MAP3K9: variants seen among roughly 807,000 people sequenced by gnomAD.
MAP3K9 encodes the protein mixed lineage kinase 1 (tyr and ser/thr specificity).
Under a neutral mutation model 95.8 loss-of-function variants are expected in MAP3K9, and 46 were observed. The ratio of observed to expected loss-of-function variants is 0.48; its 90% CI spans 0.38 to 0.61. The LOEUF (loss-of-function observed/expected upper bound fraction) is 0.61, where lower values mean the gene tolerates loss of function less well. Ranked by LOEUF, MAP3K9 falls within the 20% of genes least tolerant of loss-of-function variation. MAP3K9 has a pLI of 0.00. For synonymous variants in MAP3K9, 533 were observed against 593.8 expected (o/e 0.90, Z 1.49); for missense variants, 1,296 against 1,474.3 (o/e 0.88, Z 1.98).
At chr14:70,764,599 G>A (rs2054423984) in intron 2 of MAP3K9, among the ~76,000 whole-genome samples, 1 of 151,962 alleles carries the variant, frequency 6.6e-6, no homozygotes, top group Admixed American at 6.6e-5. Context: ...GGGAGGTCAA[G>A]GTGGGAGGAT....
chr14:70,735,668 T>G (rs996725283), intron 9 of MAP3K9, among the ~76,000 whole-genome samples: 5 of 152,144 alleles, frequency 3.3e-5, no homozygotes, highest in African/African-American at 1.2e-4. Flanking sequence ...TCAAAACCAG[T>G]GCTGAAGACC....
At chr14:70,769,157 C>T (rs2054497068) in intron 2 of MAP3K9, among the ~76,000 whole-genome samples, 1 of 34,824 alleles carries the variant, frequency 2.9e-5, no homozygotes, top group Non-Finnish European at 6.5e-5. Context: ...GCTATAGCAC[C>T]ACCATGTTTG....
rs564950962 is a variant in MAP3K9 at position 70,740,095 on chromosome 14, C to T, written c.1637G>A (p.Arg546His). 42 of 1,614,068 alleles carry T rather than the reference C, an allele frequency of 2.6e-5. No individual in the cohort carries two copies. In the African/African-American group the frequency reaches 4.3e-4, roughly 16 times the overall value. Residue 546 changes from arginine to histidine, a missense_variant, in exon 7 of 12, where the codon CGC (arginine) becomes CAC (histidine). By Grantham distance (29) the Arg-to-His change is conservative. Coordinates refer to ENST00000554752, the MANE Select transcript of MAP3K9 (RefSeq NM_001284230.2). ...GGTGGGGCTTGCAGGAGGACTGGAG[C>T]GGCTGTTGATAAGACTCTTCCTTTT... is the stretch of plus-strand genomic sequence containing the variant. ...MDKRKSLINS[R>H]SSPPASPTII...
chr14:70,790,177 T>C (rs2054791762), intron 2 of MAP3K9, among the ~76,000 whole-genome samples: 1 of 152,034 alleles, frequency 6.6e-6, no homozygotes, highest in Non-Finnish European at 1.5e-5. Context: ...TGAGCAGCAG[T>C]GGGGGAAGGG....
At chr14:70,801,123 G>A (rs1426382941) in intron 1 of MAP3K9, 43 bp from the exon 2 acceptor site, 4 of 1,563,636 alleles carry the variant, frequency 2.6e-6, no homozygotes, top group Non-Finnish European at 3.5e-6. Context: ...AAAACATCTT[G>A]AAAACATCGT....
At chr14:70,739,558 C>A (rs61359483) in intron 7 of MAP3K9, among the ~76,000 whole-genome samples, 85,071 of 151,006 alleles carry the variant, frequency 0.56, 24,002 homozygotes, top group Middle Eastern at 0.65. Context: ...TTTTTTTAAG[C>A]AAATACTGTA....
chr14:70,751,094 C>CCACATCGGTAGAACAGAGCAG (rs2054221020), intron 3 of MAP3K9, among the ~76,000 whole-genome samples: 1 of 152,122 alleles, frequency 6.6e-6, no homozygotes, highest in African/African-American at 2.4e-5. Context: ...CAAGGGTAGA[C>CCACATCGGTAGAACAGAGCAG]CACATCGGTA....
rs1482464732 is a variant in MAP3K9, at chr14:70,791,813, TC to T, written c.820+8853del. Among the ~76,000 whole-genome samples, 5 of 152,208 alleles carry T rather than the reference TC, an allele frequency of 3.3e-5. No homozygotes were observed. In the South Asian group the frequency reaches 1.0e-3, roughly 32 times the overall value. On this transcript the variant is annotated intron_variant, in intron 2 of 11. Coordinates refer to ENST00000554752, the MANE Select transcript of MAP3K9 (RefSeq NM_001284230.2). ...GCCACTTTATTTTGATCAAGGTCTT[TC>T]CCCCTGACCCCACAGGGAGCTCCTG...
intron 2 of MAP3K9, among the ~76,000 whole-genome samples, chr14:70,777,160 G>A (rs1374295505): frequency 6.6e-6 from 1 of 152,058 alleles, no homozygotes; most frequent in Non-Finnish European, 1.5e-5. Context: ...CCCATCTCTA[G>A]GGCGCTGTTG....
chr14:70,733,024 T>C lies in MAP3K9; in HGVS notation c.2345A>G (p.Glu782Gly). 1.9e-6 allele frequency: 3 copies of C among 1,614,046 alleles called. No homozygotes were observed. Among genetic ancestry groups the C allele is most frequent in the Non-Finnish European group, 2.5e-6 (3 of 1,180,010 alleles). ...CTCCTCCCGGGCTGGTGGCTCAGGCTCCTCCAGGGGAAGCAGCTGGCACTT... is the reference window on the plus strand; with the variant it reads ...CTCCTCCCGGGCTGGTGGCTCAGGCCCCTCCAGGGGAAGCAGCTGGCACTT... ...AGKCQLLPLE[E>G]PEPPAREEKK... Residue 782 changes from glutamate to glycine, a missense_variant, in exon 11 of 12, where the codon GAG becomes GGG. By Grantham distance (98) the Glu-to-Gly change is moderately conservative. Coordinates refer to ENST00000554752, the MANE Select transcript of MAP3K9 (RefSeq NM_001284230.2).
Position 70,727,980 on chromosome 14 carries a change from A to G in MAP3K9, c.*2400T>C, listed in dbSNP as rs2053841535. Reference sequence around the variant, plus strand: ...AGGAAAAATCTCTGCTTCATACCACAGAGCACTGTGTATAGGCAGCATGGT... The same window carrying G: ...AGGAAAAATCTCTGCTTCATACCACGGAGCACTGTGTATAGGCAGCATGGT... On this transcript the variant is annotated 3_prime_UTR_variant, in exon 12 of 12. Transcript: ENST00000554752. 6.6e-6 allele frequency: 1 copy of G among 152,252 alleles called. No homozygotes were observed. Among genetic ancestry groups the G allele is most frequent in the African/African-American group, 2.4e-5 (1 of 41,460 alleles). 9.4% of individuals were successfully genotyped at this position (152,252 alleles called of 1,614,324 possible).
At position 70,730,710 on chromosome 14, in the gene MAP3K9, C is replaced by T. The variant is rs764519927; in HGVS notation, c.2985G>A (p.Pro995=). The T allele has an allele frequency of 1.5e-5, 25 of 1,613,808 alleles. No homozygotes were observed. Among genetic ancestry groups the T allele is most frequent in the Admixed American group, 1.3e-4 (8 of 60,010 alleles). ...GCCGTTGCCGGTTGGCAGAAGGACG[C>T]GGCCGAGGCAGAAACTCCAGAGTCT... ...RPKTLEFLPR[P]RPSANRQRLD... Residue 995 remains proline, a synonymous_variant, in exon 12 of 12, where the codon CCG becomes CCA. Coordinates refer to ENST00000554752, the MANE Select transcript of MAP3K9 (RefSeq NM_001284230.2).
intron 2 of MAP3K9, among the ~76,000 whole-genome samples, chr14:70,766,982 A>C (rs1594790797): frequency 6.6e-6 from 1 of 152,298 alleles, no homozygotes; most frequent in Non-Finnish European, 1.5e-5. Flanking sequence ...CATTTCCGCT[A>C]GCATGTGATA....
intron 2 of MAP3K9, chr14:70,783,372 C>T: frequency 1.0e-6 from 1 of 985,326 alleles, no homozygotes; most frequent in Non-Finnish European, 1.2e-6. Flanking sequence ...TCCTCAAATA[C>T]CCCTTTTTAA....
intron 7 of MAP3K9, 135 bp downstream of exon 7, chr14:70,739,907 T>C (rs553548125): frequency 6.2e-6 from 10 of 1,612,248 alleles, no homozygotes; most frequent in South Asian, 2.2e-5. Flanking sequence ...CATATGTGCA[T>C]GTATATACAC....
rs574786207 is a variant in MAP3K9 at position 70,742,210 on chromosome 14, C to T, written c.1567+141G>A. 2.5e-5 allele frequency: 28 copies of T among 1,139,470 alleles called. No homozygotes were observed. In the South Asian group the frequency reaches 4.2e-4, roughly 17 times the overall value. The allele number at this position is 1,139,470 out of a possible 1,614,324, so 70.6% of individuals were successfully genotyped here. A position where few individuals can be genotyped will look rare whatever the true frequency, so the allele number is the denominator to read the frequency against. On this transcript the variant is annotated intron_variant, in intron 6 of 11. Transcript: ENST00000554752. ...TCAACATGCCAGTCTTTCCAGTGAA[C>T]AGAATGGCCCATTTAAAACAGGCTG...
At chr14:70,790,189 A>G (rs2054791919) in intron 2 of MAP3K9, among the ~76,000 whole-genome samples, 1 of 152,142 alleles carries the variant, frequency 6.6e-6, no homozygotes, top group Admixed American at 6.5e-5. Context: ...GGGGAAGGGG[A>G]CCACTTGTGG....
chr14:70,760,160 C>CACAT (rs2139778463), intron 3 of MAP3K9, among the ~76,000 whole-genome samples: 1 of 151,828 alleles, frequency 6.6e-6, no homozygotes. Context: ...CACACACACA[C>CACAT]ACACACACAC....
chr14:70,746,479 A>T (rs1046026293), intron 5 of MAP3K9, among the ~76,000 whole-genome samples: 1 of 152,226 alleles, frequency 6.6e-6, no homozygotes, highest in African/African-American at 2.4e-5. Context: ...GAGAAAGCAC[A>T]TCTTACTCTC....
Sources: gnomAD v4.1 joint callset for allele counts (sites outside exome capture counted in the v4.1 genomes callset) on GRCh38, gnomAD v4.1.1 for gene constraint, MANE v1.5 for transcripts, NCBI Gene and HGNC (gene_info 2026-07-23, HGNC 2026-07-21) for gene names.